Variants in CPB1 observed in about 807,000 individuals in gnomAD.
CPB1 encodes carboxypeptidase B.
A neutral mutation model predicts 51.4 loss-of-function variants in CPB1; 53 were observed. The ratio of observed to expected loss-of-function variants is 1.03; its 90% CI spans 0.83 to 1.30. The LOEUF is 1.30. Among genes scored for constraint, CPB1 ranks in the 50% most tolerant of loss-of-function variants. CPB1 has a pLI of 0.00. For missense variants in CPB1, 494 were observed against 516.2 expected (o/e 0.96, Z 0.42); for synonymous variants, 189 against 186.9 (o/e 1.01, Z -0.09).
intron 9 of CPB1, 33 bp from the exon 10 acceptor site, chr3:148,857,424 T>G (rs1391541701): frequency 6.4e-7 from 1 of 1,557,160 alleles, no homozygotes; most frequent in Non-Finnish European, 8.9e-7. Context: ...GTGCTTTTAT[T>G]TATTTCCTTA....
chr3:148,842,783 A>G (rs1237688244), intron 6 of CPB1, among the ~76,000 whole-genome samples: 1 of 152,184 alleles, frequency 6.6e-6, no homozygotes, highest in Non-Finnish European at 1.5e-5. Flanking sequence ...AGAGTGGATA[A>G]ACCTAGCAGA....
At position 148,857,278 on chromosome 3, in the gene CPB1, G is replaced by T. The variant is rs1265920132; in HGVS notation, c.982-179G>T. ...TATTAGGGAAGACATTCTTGCACAAGAATTACTTGGATCATATCACTAGGT... is the reference window on the plus strand; with the variant it reads ...TATTAGGGAAGACATTCTTGCACAATAATTACTTGGATCATATCACTAGGT... On this transcript the variant is annotated intron_variant, in intron 9 of 10. Transcript: ENST00000282957. The T allele has an allele frequency of 9.4e-6, 5 of 529,968 alleles. No homozygotes were observed. In the East Asian group the frequency reaches 1.6e-4, roughly 17 times the overall value. The allele number at this position is 529,968 out of a possible 1,614,324, so 32.8% of individuals were successfully genotyped here. A position where few individuals can be genotyped will look rare whatever the true frequency, so the allele number is the denominator to read the frequency against.
At chr3:148,850,395 G>A (rs1303120667) in intron 9 of CPB1, among the ~76,000 whole-genome samples, 6 of 151,996 alleles carry the variant, frequency 3.9e-5, no homozygotes, top group African/African-American at 1.4e-4. Flanking sequence ...TCCACCTCCC[G>A]GGTTCATGCC....
At chr3:148,830,391 C>T (rs1483376832) in intron 2 of CPB1, among the ~76,000 whole-genome samples, 2 of 152,074 alleles carry the variant, frequency 1.3e-5, no homozygotes, top group Admixed American at 6.6e-5. Context: ...AATTCCTAGC[C>T]TTTCTACTTG....
intron 10 of CPB1, among the ~76,000 whole-genome samples, chr3:148,858,531 C>T (rs185618355): frequency 9.2e-5 from 14 of 151,754 alleles, no homozygotes; most frequent in African/African-American, 3.1e-4. Context: ...GAGATCCTGC[C>T]ACTGCACTCT....
intron 5 of CPB1, 34 bp from the exon 6 acceptor site, chr3:148,841,789 A>G (rs1713093125): frequency 6.3e-7 from 1 of 1,578,506 alleles, no homozygotes; most frequent in Admixed American, 1.7e-5. Context: ...CCTATGATGA[A>G]TCATGGTTTC....
At chr3:148,839,649 T>C (rs1247257557) in intron 3 of CPB1, among the ~76,000 whole-genome samples, 2 of 152,158 alleles carry the variant, frequency 1.3e-5, no homozygotes, top group Non-Finnish European at 2.9e-5. Flanking sequence ...AGTTCACCAA[T>C]TGAAGGAGTG....
At position 148,858,572 on chromosome 3, in the gene CPB1, C is replaced by CA. The variant is rs1004149829; in HGVS notation, c.1066+1042dup. ...GGGCGACGAGAGCAAAACTCCATCT[C>CA]AAAAAAAAAAAGACAGAGTGTTTTT... On this transcript the variant is annotated intron_variant, in intron 10 of 10. Coordinates refer to ENST00000282957, the MANE Select transcript of CPB1 (RefSeq NM_001871.3). Among the ~76,000 whole-genome samples the CA allele has an allele frequency of 4.2e-3, 587 of 140,408 alleles. 3 individuals carry two copies. The highest frequency in any genetic ancestry group is 0.014 in the Middle Eastern group (4 of 278). 92.1% of individuals were successfully genotyped at this position (140,408 alleles called of 152,430 possible).
chr3:148,830,841 T>C (rs1712712694), intron 2 of CPB1, among the ~76,000 whole-genome samples: 1 of 152,206 alleles, frequency 6.6e-6, no homozygotes, highest in Non-Finnish European at 1.5e-5. Flanking sequence ...GCAAACATCA[T>C]GCTTTAGCTC....
intron 3 of CPB1, among the ~76,000 whole-genome samples, chr3:148,835,186 T>A (rs1002423984): frequency 2.0e-5 from 3 of 152,230 alleles, no homozygotes; most frequent in Admixed American, 6.5e-5. Flanking sequence ...TCTCCCTCAC[T>A]GAATACCACT....
At chr3:148,841,037 C>G in intron 5 of CPB1, 62 bp downstream of exon 5, 1 of 1,314,184 alleles carries the variant, frequency 7.6e-7, no homozygotes, top group Non-Finnish European at 1.1e-6. Context: ...AATTCTAACA[C>G]ATGAACATCT....
At position 148,839,351 on chromosome 3, in the gene CPB1, T is replaced by G. The variant is rs373061572; in HGVS notation, c.273-1335T>G. On this transcript the variant is annotated intron_variant, in intron 3 of 10. Coordinates refer to ENST00000282957, the MANE Select transcript of CPB1 (RefSeq NM_001871.3). ...TATCCCAGTGAGACTTGTGTTGGAA[T>G]GCTAACCTACAGAACTATAAAATAA... Among the ~76,000 whole-genome samples the G allele has an allele frequency of 2.0e-5, 3 of 152,324 alleles. No individual in the cohort carries two copies. The South Asian group carries it at 6.2e-4, about 32-fold the overall frequency.
chr3:148,828,406 T>C lies in CPB1; in HGVS notation c.147+329T>C, dbSNP rs1364655561. ...AAAAGAGAAAAATGATCAACTTGGA[T>C]ATTACTGAAAAACTGGGCTTTTGTC... On this transcript the variant is annotated intron_variant, in intron 2 of 10. Coordinates refer to ENST00000282957, the MANE Select transcript of CPB1 (RefSeq NM_001871.3). 9.2e-5 allele frequency among the ~76,000 whole-genome samples: 14 copies of C among 152,196 alleles called. No homozygotes were observed. In the East Asian group the frequency reaches 2.7e-3, roughly 29 times the overall value.
intron 2 of CPB1, among the ~76,000 whole-genome samples, chr3:148,832,258 G>T (rs1280380649): frequency 4.6e-5 from 7 of 152,200 alleles, no homozygotes; most frequent in African/African-American, 1.4e-4. Flanking sequence ...ATGGGTAAGA[G>T]CTGAGGAGGA....
At chr3:148,852,977 A>AC (rs963373521) in intron 9 of CPB1, among the ~76,000 whole-genome samples, 1 of 152,068 alleles carries the variant, frequency 6.6e-6, no homozygotes, top group Non-Finnish European at 1.5e-5. Context: ...CTGCTTATAG[A>AC]CCGTAAGGGC....
At chr3:148,846,797 G>GTGTGTA (rs1364486523) in intron 9 of CPB1, among the ~76,000 whole-genome samples, 563 of 50,354 alleles carry the variant, frequency 0.011, 10 homozygotes, top group Non-Finnish European at 0.018. Flanking sequence ...GTGTGCGTGT[G>GTGTGTA]TATATATATA....
intron 9 of CPB1, among the ~76,000 whole-genome samples, chr3:148,848,227 G>C (rs1713312852): frequency 6.6e-6 from 1 of 152,084 alleles, no homozygotes; most frequent in South Asian, 2.1e-4. Flanking sequence ...AAAAATAACA[G>C]TATTAACAGT....
chr3:148,844,425 C>A, intron 6 of CPB1, 53 bp from the exon 7 acceptor site: 1 of 1,341,988 alleles, frequency 7.5e-7, no homozygotes, highest in Non-Finnish European at 1.1e-6. Context: ...TAAATTTTAA[C>A]AGCATCATAA....
At chr3:148,836,637 T>G (rs1290382257) in intron 3 of CPB1, among the ~76,000 whole-genome samples, 1 of 152,204 alleles carries the variant, frequency 6.6e-6, no homozygotes, top group Non-Finnish European at 1.5e-5. Flanking sequence ...ATCTAGAACA[T>G]AGGACATCCC....
Sources: gnomAD v4.1 joint callset for allele counts (sites outside exome capture counted in the v4.1 genomes callset) on GRCh38, gnomAD v4.1.1 for gene constraint, MANE v1.5 for transcripts, NCBI Gene and HGNC (gene_info 2026-07-23, HGNC 2026-07-21) for gene names.